The following METTL9 variants were observed in gnomAD, a reference collection of about 807,000 sequenced individuals.
METTL9 encodes protein-L-histidine N-pros-methyltransferase.
METTL9 carries 10 observed loss-of-function variants against 36.0 expected under a neutral mutation model. The ratio of observed to expected loss-of-function variants is 0.28; its 90% CI spans 0.17 to 0.47. The LOEUF is 0.47. METTL9 is among the 20% of genes least tolerant of loss of function. The pLI is 0.99. For synonymous variants in METTL9, 175 were observed against 149.7 expected (o/e 1.17, Z -1.23); for missense variants, 246 against 383.5 (o/e 0.64, Z 3.00).
chr16:21,640,789 A>G (rs1470359335), intron 4 of METTL9: 1 of 149,680 alleles, frequency 6.7e-6, no homozygotes, highest in Admixed American at 6.6e-5. Flanking sequence ...AAAAGAAAAG[A>G]AAAAAAATCA....
intron 2 of METTL9, among the ~76,000 whole-genome samples, chr16:21,613,365 G>A (rs1403206625): frequency 6.6e-6 from 1 of 151,576 alleles, no homozygotes; most frequent in Admixed American, 6.6e-5. Flanking sequence ...TGTATTTTTA[G>A]TAGAGACGAG....
intron 1 of METTL9, among the ~76,000 whole-genome samples, chr16:21,603,142 C>CTT (rs202168603): frequency 4.2e-5 from 6 of 143,576 alleles, no homozygotes; most frequent in East Asian, 2.0e-4. Context: ...TAACAAACAG[C>CTT]TTTTTTTTTT....
At chr16:21,643,948 GC>G (rs1966348557) in intron 4 of METTL9, among the ~76,000 whole-genome samples, 1 of 152,048 alleles carries the variant, frequency 6.6e-6, no homozygotes, top group Non-Finnish European at 1.5e-5. Context: ...TGTTCTTAAG[GC>G]TTTCGTAGAT....
At chr16:21,624,787 T>C (rs1965782638) in intron 3 of METTL9, 144 bp from the exon 4 acceptor site, 3 of 755,432 alleles carry the variant, frequency 4.0e-6, no homozygotes, top group South Asian at 1.9e-5. Flanking sequence ...CTTGGCCATG[T>C]CATTATTGCA....
At chr16:21,620,254 A>G (rs999253867) in intron 3 of METTL9, among the ~76,000 whole-genome samples, 1 of 152,162 alleles carries the variant, frequency 6.6e-6, no homozygotes, top group Admixed American at 6.5e-5. Flanking sequence ...GAACTGAGTG[A>G]TTTGAAAGCC....
chr16:21,598,202 AGCTGG>A (rs529728532), upstream of METTL9, among the ~76,000 whole-genome samples: 48 of 152,166 alleles, frequency 3.2e-4, no homozygotes, highest in African/African-American at 1.1e-3. Flanking sequence ...CACAAAAATT[AGCTGG>A]GCATGGTGGC....
Position 21,599,650 on chromosome 16 carries a change from TGGC to T in METTL9, c.-78_-76del. ...GCCGCGATGGCTCGAGCTCGGGCGGTGGCGGCGGTGGCCGGAGGCGGCGGTGCC... is the reference window on the plus strand; with the variant it reads ...GCCGCGATGGCTCGAGCTCGGGCGGTGGCGGTGGCCGGAGGCGGCGGTGCC... On this transcript the variant is annotated 5_prime_UTR_variant, in exon 1 of 5. Transcript: ENST00000358154. The surrounding 1 kb of genome is among the most constrained non-coding windows in gnomAD (Gnocchi z 4.4). The T allele has an allele frequency of 7.4e-7, 1 of 1,345,170 alleles. No homozygotes were observed. The highest frequency in any genetic ancestry group is 9.5e-7 in the Non-Finnish European group (1 of 1,057,684). 83.3% of individuals were successfully genotyped at this position (1,345,170 alleles called of 1,614,324 possible). A position where few individuals can be genotyped will look rare whatever the true frequency, so the allele number is the denominator to read the frequency against.
In METTL9 at chr16:21,656,574, C is replaced by T. The variant is rs1456187141; in HGVS notation, c.*1142C>T. 2 of 152,136 alleles carry T rather than the reference C, an allele frequency of 1.3e-5. No individual in the cohort carries two copies. Among genetic ancestry groups the T allele is most frequent in the Non-Finnish European group, 2.9e-5 (2 of 68,026 alleles). 9.4% of individuals were successfully genotyped at this position (152,136 alleles called of 1,614,324 possible). Reference sequence around the variant, plus strand: ...TAACCATCGTGGATATTCCAAAGAGCAGAGCATTTAACCCAGAATCTGAAA... The same window carrying T: ...TAACCATCGTGGATATTCCAAAGAGTAGAGCATTTAACCCAGAATCTGAAA... On this transcript the variant is annotated 3_prime_UTR_variant, in exon 5 of 5. Transcript: ENST00000358154.
At chr16:21,643,649 A>G in intron 4 of METTL9, 1 of 1,196,834 alleles carries the variant, frequency 8.4e-7, no homozygotes, top group Non-Finnish European at 1.2e-6. Context: ...ACTCATAACA[A>G]TGGTGGCAGA....
intron 4 of METTL9, among the ~76,000 whole-genome samples, chr16:21,648,895 C>A (rs1234126774): frequency 6.6e-6 from 1 of 152,162 alleles, no homozygotes; most frequent in African/African-American, 2.4e-5. Flanking sequence ...CTTAGCGTTT[C>A]TCTTATGGAT....
chr16:21,599,845 A>G lies in METTL9; in HGVS notation c.112A>G (p.Ser38Gly). 2 of 1,521,096 alleles carry G rather than the reference A, an allele frequency of 1.3e-6. No individual in the cohort carries two copies. Among genetic ancestry groups the G allele is most frequent in the Non-Finnish European group, 1.8e-6 (2 of 1,140,928 alleles). The allele number at this position is 1,521,096 out of a possible 1,614,324, so 94.2% of individuals were successfully genotyped here. The stretch of plus-strand genomic sequence containing the variant: ...CCGCTCCCTGTACGTGAACATGACT[A>G]GCGGCCCGGGTGGGCCGGCGGCGGC... ...LTRSLYVNMT[S>G]GPGGPAAAAG... The change falls in exon 1 of 5, where the codon AGC becomes GGC. Residue 38 changes from serine (S) to glycine (G), a missense_variant. Around this residue, in one of 2 missense-constraint regions of METTL9, gnomAD observed 100 missense variants for 81.4 expected, o/e 1.23. Coordinates refer to ENST00000358154, the MANE Select transcript of METTL9 (RefSeq NM_016025.5). The surrounding 1 kb of genome is among the most constrained non-coding windows in gnomAD (Gnocchi z 4.4).
At chr16:21,651,899 C>T (rs1204880063) in intron 4 of METTL9, 1 of 152,084 alleles carries the variant, frequency 6.6e-6, no homozygotes, top group Non-Finnish European at 1.5e-5. Flanking sequence ...AAAAGTCACC[C>T]ATAGTCCTTT....
Position 21,599,627 on chromosome 16 carries a change from C to A in METTL9, c.-107C>A. 7.5e-7 allele frequency: 1 copy of A among 1,334,826 alleles called. No individual in the cohort carries two copies. The highest frequency in any genetic ancestry group is 9.5e-7 in the Non-Finnish European group (1 of 1,051,434). The allele number at this position is 1,334,826 out of a possible 1,614,324, so 82.7% of individuals were successfully genotyped here. On this transcript the variant is annotated 5_prime_UTR_variant, in exon 1 of 5. Coordinates refer to ENST00000358154, the MANE Select transcript of METTL9 (RefSeq NM_016025.5). This position sits in a 1 kb window ranked among gnomAD's most constrained non-coding sequence, Gnocchi z 4.4. Reference sequence around the variant, plus strand: ...AAGGGGGCTGGATGGGCAAGGCGGCCGCGATGGCTCGAGCTCGGGCGGTGG... The same window carrying A: ...AAGGGGGCTGGATGGGCAAGGCGGCAGCGATGGCTCGAGCTCGGGCGGTGG...
intron 4 of METTL9, among the ~76,000 whole-genome samples, chr16:21,630,069 A>G (rs1359133999): frequency 2.0e-5 from 3 of 152,242 alleles, no homozygotes; most frequent in African/African-American, 7.2e-5. Flanking sequence ...AGGTAGACAC[A>G]GAGTGCTGAT....
upstream of METTL9, among the ~76,000 whole-genome samples, chr16:21,598,721 AAC>A (rs1965011496): frequency 6.6e-6 from 1 of 152,174 alleles, no homozygotes; most frequent in Non-Finnish European, 1.5e-5. Context: ...ATCCGGGTTA[AAC>A]ACTGCTCCCA....
intron 1 of METTL9, among the ~76,000 whole-genome samples, chr16:21,602,082 A>T (rs955977967): frequency 3.3e-5 from 5 of 152,122 alleles, no homozygotes; most frequent in Non-Finnish European, 4.4e-5. Context: ...CTTGTGAAGT[A>T]ACTGTAACTG....
chr16:21,644,812 G>A (rs956024021), intron 4 of METTL9, among the ~76,000 whole-genome samples: 3 of 152,160 alleles, frequency 2.0e-5, no homozygotes, highest in Non-Finnish European at 4.4e-5. Flanking sequence ...ATATGTATTT[G>A]TTAAGGGTGA....
intron 3 of METTL9, among the ~76,000 whole-genome samples, chr16:21,620,439 C>G (rs866255487): frequency 5.3e-5 from 8 of 152,118 alleles, no homozygotes; most frequent in Admixed American, 1.3e-4. Context: ...CCACCTCCCC[C>G]CCTTAAAAAA....
At chr16:21,610,827 G>A (rs1433262467) in intron 1 of METTL9, among the ~76,000 whole-genome samples, 2 of 152,204 alleles carry the variant, frequency 1.3e-5, no homozygotes, top group African/African-American at 2.4e-5. Context: ...GTACCTGATT[G>A]CCTATTATCA....
Sources: gnomAD v4.1 joint callset for allele counts (sites outside exome capture counted in the v4.1 genomes callset) on GRCh38, gnomAD v4.1.1 for gene constraint, gnomAD v4.1.1 regional missense constraint, Gnocchi (gnomAD v3.1) non-coding constraint, MANE v1.5 for transcripts, NCBI Gene and HGNC (gene_info 2026-07-23, HGNC 2026-07-21) for gene names.